The following GTF2F2 variants were observed in gnomAD, a reference collection of about 807,000 sequenced individuals.
GTF2F2 encodes the protein ATP-dependent helicase GTF2F2.
In GTF2F2, 23 loss-of-function variants were observed where a neutral mutation model predicts 42.2. The ratio of observed to expected loss-of-function variants is 0.55; its 90% CI spans 0.39 to 0.77. The LOEUF (loss-of-function observed/expected upper bound fraction) is 0.77. GTF2F2 is among the 30% of genes least tolerant of loss of function. GTF2F2 has a pLI of 0.00. For missense variants in GTF2F2, 261 were observed against 287.2 expected, an observed-to-expected ratio of 0.91 and a Z score of 0.66; for synonymous variants, 105 against 100.8, an observed-to-expected ratio of 1.04 and a Z score of -0.25.
At chr13:45,150,874 ACTT>A (rs1408060414) in intron 3 of GTF2F2, among the ~76,000 whole-genome samples, 3 of 151,968 alleles carry the variant, frequency 2.0e-5, no homozygotes, top group African/African-American at 7.3e-5. Context: ...TGTTTTGGAG[ACTT>A]CTTCAGCTAC....
intron 5 of GTF2F2, among the ~76,000 whole-genome samples, chr13:45,239,653 C>T (rs2138230809): frequency 6.6e-6 from 1 of 152,318 alleles, no homozygotes; most frequent in Middle Eastern, 3.4e-3. Context: ...GGCATAGGCC[C>T]TTTCGGAACA....
chr13:45,132,470 G>A (rs748821845), intron 1 of GTF2F2, among the ~76,000 whole-genome samples: 114 of 149,886 alleles, frequency 7.6e-4, no homozygotes, highest in Non-Finnish European at 1.2e-3. Flanking sequence ...TTGCCACATC[G>A]GCCTCTTCAA....
At chr13:45,218,627 G>A (rs986445238) in intron 5 of GTF2F2, among the ~76,000 whole-genome samples, 2 of 152,134 alleles carry the variant, frequency 1.3e-5, no homozygotes, top group African/African-American at 4.8e-5. Flanking sequence ...GTCCTTGCAG[G>A]CACTGGAATT....
At chr13:45,274,322 A>ATTT (rs1876929100) in intron 7 of GTF2F2, among the ~76,000 whole-genome samples, 4 of 113,078 alleles carry the variant, frequency 3.5e-5, no homozygotes, top group East Asian at 2.2e-4. Context: ...TACAAATTAT[A>ATTT]CTTTTTTTTT....
At chr13:45,171,276 G>A (rs190939898) in intron 4 of GTF2F2, among the ~76,000 whole-genome samples, 44 of 151,880 alleles carry the variant, frequency 2.9e-4, no homozygotes, top group Admixed American at 2.8e-3. Flanking sequence ...ATGGAGTTTC[G>A]CCATGTCGGC....
intron 1 of GTF2F2, among the ~76,000 whole-genome samples, chr13:45,125,923 G>A (rs945674515): frequency 3.9e-5 from 6 of 152,184 alleles, no homozygotes; most frequent in Non-Finnish European, 8.8e-5. Flanking sequence ...GCCCTCCAGA[G>A]CTGTCCTCCT....
chr13:45,229,235 T>C (rs935339319), intron 5 of GTF2F2, among the ~76,000 whole-genome samples: 1 of 152,156 alleles, frequency 6.6e-6, no homozygotes, highest in Admixed American at 6.5e-5. Flanking sequence ...TCACTGTCTC[T>C]TCTTGAGCTT....
At chr13:45,254,134 A>G (rs1875996866) in intron 6 of GTF2F2, among the ~76,000 whole-genome samples, 1 of 151,126 alleles carries the variant, frequency 6.6e-6, no homozygotes, top group Non-Finnish European at 1.5e-5. Context: ...TGAGAGAGTG[A>G]GAGAGAGAGA....
intron 1 of GTF2F2, among the ~76,000 whole-genome samples, chr13:45,134,468 T>G (rs965744595): frequency 2.6e-5 from 4 of 152,142 alleles, no homozygotes; most frequent in African/African-American, 9.7e-5. Context: ...GAGGGCATCA[T>G]TTGAGCCCTT....
At chr13:45,127,955 T>C (rs1869122471) in intron 1 of GTF2F2, among the ~76,000 whole-genome samples, 1 of 137,596 alleles carries the variant, frequency 7.3e-6, no homozygotes, top group African/African-American at 2.7e-5. Flanking sequence ...TTTTTTTTTT[T>C]TTTTTTTTTT....
intron 6 of GTF2F2, among the ~76,000 whole-genome samples, chr13:45,254,959 G>T (rs1272058842): frequency 6.6e-6 from 1 of 151,986 alleles, no homozygotes; most frequent in Non-Finnish European, 1.5e-5. Flanking sequence ...CTGAGGTCAG[G>T]AGTTCAAGAC....
intron 4 of GTF2F2, chr13:45,194,827 T>C (rs531941187): frequency 1.7e-5 from 8 of 469,124 alleles, no homozygotes; most frequent in African/African-American, 1.6e-4. Context: ...AGGATTTTCA[T>C]GTCTATCCTT....
At chr13:45,203,846 C>T (rs1025705500) in intron 4 of GTF2F2, among the ~76,000 whole-genome samples, 7 of 152,018 alleles carry the variant, frequency 4.6e-5, no homozygotes, top group Non-Finnish European at 7.4e-5. Context: ...ATCAAAAGTG[C>T]TTCTGGTGTA....
chr13:45,266,645 C>T (rs1876572088), intron 6 of GTF2F2, among the ~76,000 whole-genome samples: 2 of 152,148 alleles, frequency 1.3e-5, no homozygotes, highest in South Asian at 2.1e-4. Context: ...TGAATTGATA[C>T]AGTTTTGGCA....
chr13:45,151,626 T>TTA (rs994328823), intron 3 of GTF2F2, 61 bp from the exon 4 acceptor site: 28 of 1,057,706 alleles, frequency 2.6e-5, no homozygotes, highest in African/African-American at 3.3e-5. Context: ...TAACAAAAAT[T>TTA]TATATATATA....
chr13:45,122,965 G>A (rs1868737802), intron 1 of GTF2F2: 1 of 152,014 alleles, frequency 6.6e-6, no homozygotes, highest in Non-Finnish European at 1.5e-5. Context: ...ACCAGAACTG[G>A]GAAGACATCA....
At chr13:45,249,722 G>T (rs183119271) in intron 5 of GTF2F2, among the ~76,000 whole-genome samples, 1 of 152,316 alleles carries the variant, frequency 6.6e-6, no homozygotes, top group Non-Finnish European at 1.5e-5. Context: ...ATCAAATCGT[G>T]GAGATGACTG....
At chr13:45,226,118 G>A (rs1197136483) in intron 5 of GTF2F2, among the ~76,000 whole-genome samples, 2 of 151,888 alleles carry the variant, frequency 1.3e-5, no homozygotes, top group Admixed American at 1.3e-4. Context: ...AATTGGGTCA[G>A]TGGTTGTCCC....
chr13:45,218,826 G>A (rs1379923766), intron 5 of GTF2F2, among the ~76,000 whole-genome samples: 1 of 152,192 alleles, frequency 6.6e-6, no homozygotes, highest in African/African-American at 2.4e-5. Context: ...TAGACTTTGG[G>A]ATGATCAGGA....
Sources: gnomAD v4.1 joint callset for allele counts (sites outside exome capture counted in the v4.1 genomes callset) on GRCh38, gnomAD v4.1.1 for gene constraint, MANE v1.5 for transcripts, NCBI Gene and HGNC (gene_info 2026-07-23, HGNC 2026-07-21) for gene names.